The following ADGRE5 variants were observed in gnomAD, a reference collection of about 807,000 sequenced individuals.
The protein encoded by ADGRE5 is CD97 molecule.
ADGRE5 carries 72 observed loss-of-function variants against 100.3 expected under a neutral mutation model. The ratio of observed to expected loss-of-function variants is 0.72; its 90% CI spans 0.59 to 0.87. The LOEUF is 0.87. Among genes scored for constraint, ADGRE5 ranks in the 40% least tolerant of loss-of-function variants. The probability of loss-of-function intolerance (pLI) is 0.00; values close to 1 mark genes in which losing one functional copy is unlikely to be tolerated. For synonymous variants in ADGRE5, 439 were observed against 447.8 expected (o/e 0.98, Z 0.25); for missense variants, 959 against 1,094.7 (o/e 0.88, Z 1.75).
At chr19:14,389,806 C>A (rs1293197101) in intron 3 of ADGRE5, among the ~76,000 whole-genome samples, 2 of 150,134 alleles carry the variant, frequency 1.3e-5, no homozygotes, top group African/African-American at 2.5e-5. Context: ...TGGTGGCTTA[C>A]GCCTGTAATC....
intron 1 of ADGRE5, among the ~76,000 whole-genome samples, chr19:14,384,300 A>G (rs945705871): frequency 2.0e-5 from 3 of 152,094 alleles, no homozygotes; most frequent in African/African-American, 7.2e-5. Context: ...ATTTGAACAC[A>G]GTGGCTGAGT....
intron 1 of ADGRE5, among the ~76,000 whole-genome samples, chr19:14,383,857 C>G (rs1219992744): frequency 1.3e-5 from 2 of 152,008 alleles, no homozygotes; most frequent in Admixed American, 6.6e-5. Context: ...GCCCAGGGCC[C>G]TGAGGACCTC....
intron 3 of ADGRE5, 76 bp from the exon 4 acceptor site, chr19:14,390,848 G>A (rs974836946): frequency 3.9e-6 from 6 of 1,546,762 alleles, no homozygotes; most frequent in African/African-American, 1.4e-5. Flanking sequence ...CCCATGTTGG[G>A]GAGTCAGGAT....
intron 13 of ADGRE5, chr19:14,404,779 C>T: frequency 1.9e-6 from 1 of 525,334 alleles, no homozygotes; most frequent in Non-Finnish European, 3.3e-6. Context: ...ACTAGCTCCG[C>T]TCCTCTGCCT....
rs911071872 is a variant in ADGRE5 at position 14,405,914 on chromosome 19, C to T, written c.1796C>T (p.Ala599Val). Reference protein sequence around the residue: ...CLFVGSTIFLAGIENEGGQVG... With the variant: ...CLFVGSTIFLVGIENEGGQVG... ...TTCGTGGGCTCCACCATCTTCCTGG[C>T]CGGCATCGAGAACGAAGGCGGCCAG... Residue 599 changes from alanine to valine, a missense_variant, in exon 14 of 20, where the codon GCC becomes GTC. Around this residue, in one of 6 missense-constraint regions of ADGRE5, gnomAD observed 428 missense variants for 386.2 expected, o/e 1.11. Coordinates refer to ENST00000242786, the MANE Select transcript of ADGRE5 (RefSeq NM_078481.4). 3 of 1,609,808 alleles carry T rather than the reference C, an allele frequency of 1.9e-6. No individual in the cohort carries two copies. Among genetic ancestry groups the T allele is most frequent in the African/African-American group, 1.3e-5 (1 of 74,944 alleles).
intron 1 of ADGRE5, 137 bp downstream of exon 1, chr19:14,381,682 A>AC: frequency 9.8e-7 from 1 of 1,021,900 alleles, no homozygotes; most frequent in Non-Finnish European, 1.4e-6. Context: ...GCAGGCACTC[A>AC]CGGGCACACG....
intron 12 of ADGRE5, 68 bp from the exon 13 acceptor site, chr19:14,404,315 C>A: frequency 1.4e-6 from 2 of 1,463,232 alleles, no homozygotes; most frequent in Non-Finnish European, 9.2e-7. Context: ...CTCTTAGACT[C>A]AGCCCAAGCC....
rs62122585 is a variant in ADGRE5 at position 14,406,603 on chromosome 19, T to C, written c.2048+46T>C. On this transcript the variant is annotated intron_variant, in intron 15 of 19. Transcript: ENST00000242786. This position sits in a 1 kb window ranked among gnomAD's most constrained non-coding sequence, Gnocchi z 6.0. ...CAGGAGGAAGGCGGGGTGCTGGGCC[T>C]GGGGCTCACAGGCAGTGCCACACAC... 0.013 allele frequency: 20,267 copies of C among 1,603,548 alleles called. 155 individuals are homozygous for C. The highest frequency in any genetic ancestry group is 0.015 in the Non-Finnish European group (17,447 of 1,171,436).
chr19:14,407,657 C>T (rs1011616553), intron 18 of ADGRE5, among the ~76,000 whole-genome samples: 4 of 142,558 alleles, frequency 2.8e-5, no homozygotes, highest in Admixed American at 2.1e-4. Context: ...AAAAAAAAGC[C>T]GGGTGTGCTG....
chr19:14,396,046 C>T (rs1194701951), intron 4 of ADGRE5, among the ~76,000 whole-genome samples: 1 of 152,204 alleles, frequency 6.6e-6, no homozygotes, highest in Non-Finnish European at 1.5e-5. Flanking sequence ...CAGGAAGGCC[C>T]CACCCTGGCC....
At position 14,392,972 on chromosome 19, in the gene ADGRE5, C is replaced by A. The variant is rs149960145; in HGVS notation, c.346+1893C>A. ...ATCCCAGCACTTTGGGAGGCCGAGGCGGGTGGATCACGAGGTCAGGAGATC... is the reference window on the plus strand; with the variant it reads ...ATCCCAGCACTTTGGGAGGCCGAGGAGGGTGGATCACGAGGTCAGGAGATC... On this transcript the variant is annotated intron_variant, in intron 4 of 19. Coordinates refer to ENST00000242786, the MANE Select transcript of ADGRE5 (RefSeq NM_078481.4). 6.5e-3 allele frequency among the ~76,000 whole-genome samples: 982 copies of A among 150,824 alleles called. 10 individuals carry two copies. Among genetic ancestry groups the A allele is most frequent in the Non-Finnish European group, 8.4e-3 (573 of 67,856 alleles).
intron 3 of ADGRE5, 53 bp from the exon 4 acceptor site, chr19:14,390,871 C>T: frequency 6.3e-7 from 1 of 1,597,318 alleles, no homozygotes; most frequent in Non-Finnish European, 8.6e-7. Context: ...GGGTCTCTGC[C>T]CTGACAGAAC....
rs747115585 is a variant in ADGRE5 at position 14,406,651 on chromosome 19, C to T, written c.2049-49C>T. 17 of 1,608,586 alleles carry T rather than the reference C, an allele frequency of 1.1e-5. No homozygotes were observed. In the Admixed American group the frequency reaches 1.8e-4, roughly 17 times the overall value. ...CACAATGTCCGGCCGCCCTCCGTTC[C>T]GCTCCTGGCTTCCTGGGGCACTGAT... On this transcript the variant is annotated intron_variant, in intron 15 of 19. Transcript: ENST00000242786. The surrounding 1 kb of genome is among the most constrained non-coding windows in gnomAD (Gnocchi z 6.0).
At chr19:14,397,979 C>T in intron 8 of ADGRE5, 44 bp downstream of exon 8, 5 of 1,484,762 alleles carry the variant, frequency 3.4e-6, no homozygotes, top group Non-Finnish European at 4.7e-6. Context: ...ACTCCATCCA[C>T]ACAGCACTGC....
intron 6 of ADGRE5, 85 bp from the exon 7 acceptor site, chr19:14,397,573 G>A (rs10410071): frequency 0.49 from 782,683 of 1,606,400 alleles, 195,847 homozygotes; most frequent in South Asian, 0.65. Context: ...CACTAATGCC[G>A]GGAGGAATGA....
intron 1 of ADGRE5, among the ~76,000 whole-genome samples, chr19:14,384,635 T>TC (rs1296362973): frequency 2.0e-5 from 3 of 149,828 alleles, no homozygotes; most frequent in Admixed American, 2.0e-4. Flanking sequence ...CCCCTGCCCT[T>TC]CCCCTCTGTT....
At chr19:14,400,754 T>C (rs946181643) in intron 9 of ADGRE5, among the ~76,000 whole-genome samples, 1 of 152,092 alleles carries the variant, frequency 6.6e-6, no homozygotes, top group African/African-American at 2.4e-5. Flanking sequence ...ATCGCGCCAC[T>C]GCACTCCAGC....
rs772818941 is a variant in ADGRE5 at position 14,397,119 on chromosome 19, C to G, written c.521C>G (p.Ser174Cys). The change falls in exon 6 of 20, where the codon TCC becomes TGC. Residue 174 changes from serine (S) to cysteine (C), a missense_variant. By Grantham distance (112) the Ser-to-Cys change is moderately radical (BLOSUM62 -1). Coordinates refer to ENST00000242786, the MANE Select transcript of ADGRE5 (RefSeq NM_078481.4). ...CTSGQNPCHS[S>C]THCLNNVGSY... is the part of the protein sequence containing the mutation. ...TCCGGACAAAACCCGTGCCACAGCT[C>G]CACCCACTGCCTCAACAACGTGGGC... is the stretch of plus-strand genomic sequence containing the variant. 3 of 1,614,124 alleles carry G rather than the reference C, an allele frequency of 1.9e-6. No homozygotes were observed. Among genetic ancestry groups the G allele is most frequent in the Non-Finnish European group, 1.7e-6 (2 of 1,180,036 alleles).
chr19:14,406,580 G>C lies in ADGRE5; in HGVS notation c.2048+23G>C. 6.2e-7 allele frequency: 1 copy of C among 1,605,484 alleles called. No individual in the cohort carries two copies. Among genetic ancestry groups the C allele is most frequent in the South Asian group, 1.1e-5 (1 of 90,708 alleles). ...ATAGTGAGTGCAGCGAGATGGGGCA[G>C]GAGGAAGGCGGGGTGCTGGGCCTGG... is the stretch of plus-strand genomic sequence containing the variant. On this transcript the variant is annotated intron_variant, in intron 15 of 19. Transcript: ENST00000242786. This position sits in a 1 kb window ranked among gnomAD's most constrained non-coding sequence, Gnocchi z 6.0.
Sources: allele counts gnomAD v4.1 joint callset (sites outside exome capture counted in the v4.1 genomes callset), GRCh38; gene constraint gnomAD v4.1.1; regional missense constraint gnomAD v4.1.1; non-coding constraint Gnocchi (gnomAD v3.1); transcripts MANE v1.5; gene names NCBI Gene and HGNC (gene_info 2026-07-23, HGNC 2026-07-21).